The following ARHGAP35 variants were observed in gnomAD, a reference collection of about 807,000 sequenced individuals.
ARHGAP35 encodes the protein Rho GTPase activating protein 35, also known as rho GTPase-activating protein 35.
In ARHGAP35, 15 loss-of-function variants were observed where a neutral mutation model predicts 111.1. The observed-to-expected ratio is 0.13, with a 90% CI of 0.09 to 0.21. The LOEUF is 0.21. Among genes scored for constraint, ARHGAP35 ranks in the 10% least tolerant of loss-of-function variants. The pLI, the probability that ARHGAP35 is intolerant of heterozygous loss-of-function variation, is 1.00. For missense variants in ARHGAP35, 1,262 were observed against 1,873.0 expected (o/e 0.67, Z 6.02); for synonymous variants, 643 against 710.3 (o/e 0.91, Z 1.51).
intron 5 of ARHGAP35, among the ~76,000 whole-genome samples, chr19:46,996,507 A>T (rs554755860): frequency 9.2e-5 from 13 of 141,334 alleles, no homozygotes; most frequent in Non-Finnish European, 2.0e-4. Flanking sequence ...GATAGGAAGG[A>T]GAGCAGGCAT....
intron 3 of ARHGAP35, among the ~76,000 whole-genome samples, chr19:46,965,690 G>A (rs1337790456): frequency 6.6e-6 from 1 of 152,080 alleles, no homozygotes; most frequent in East Asian, 1.9e-4. Flanking sequence ...TCGCCATGTT[G>A]CCCAGGCTGA....
chr19:46,900,464 G>A (rs916657236), intron 1 of ARHGAP35, among the ~76,000 whole-genome samples: 5 of 152,054 alleles, frequency 3.3e-5, no homozygotes, highest in Admixed American at 6.6e-5. Flanking sequence ...CAAGTGATCC[G>A]CCCACCTTGG....
Position 46,977,065 on chromosome 19 carries a change from C to T in ARHGAP35, c.3827-10924C>T, listed in dbSNP as rs377517962. 3.2e-4 allele frequency among the ~76,000 whole-genome samples: 48 copies of T among 152,330 alleles called. No homozygotes were observed. The South Asian group carries it at 9.8e-3, about 31-fold the overall frequency. On this transcript the variant is annotated intron_variant, in intron 3 of 6. Coordinates refer to ENST00000672722, the MANE Select transcript of ARHGAP35 (RefSeq NM_004491.5). ...ACTCACTGTAAAAACATCTAAGACC[C>T]GCATAAGGTCAGTCTGGGAAGGCTG...
intron 3 of ARHGAP35, among the ~76,000 whole-genome samples, chr19:46,956,317 C>T (rs984575918): frequency 6.8e-6 from 1 of 146,322 alleles, no homozygotes; most frequent in Admixed American, 6.8e-5. Context: ...GACCCTGTCT[C>T]AAAAAAAAAA....
intron 1 of ARHGAP35, among the ~76,000 whole-genome samples, chr19:46,896,713 C>T (rs534472994): frequency 6.6e-6 from 1 of 152,256 alleles, no homozygotes; most frequent in African/African-American, 2.4e-5. Flanking sequence ...AGTCTCTTGA[C>T]CTCTGCAAGC....
At chr19:46,892,167 G>A (rs1466771194) in intron 1 of ARHGAP35, among the ~76,000 whole-genome samples, 1 of 149,664 alleles carries the variant, frequency 6.7e-6, no homozygotes, top group Non-Finnish European at 1.5e-5. Context: ...GCCAGGCCTG[G>A]TGGCATGCCT....
At chr19:46,959,907 G>A (rs563322769) in intron 3 of ARHGAP35, among the ~76,000 whole-genome samples, 2 of 151,808 alleles carry the variant, frequency 1.3e-5, no homozygotes, top group Admixed American at 6.6e-5. Context: ...AGACCAGCCT[G>A]GGCAACATAG....
In ARHGAP35 at chr19:47,001,443, T is replaced by C. The variant is rs550041211; in HGVS notation, c.*755T>C. 2.4e-6 allele frequency: 3 copies of C among 1,246,476 alleles called. No homozygotes were observed. The African/African-American group carries it at 4.6e-5, about 19-fold the overall frequency. The allele number at this position is 1,246,476 out of a possible 1,614,324, so 77.2% of individuals were successfully genotyped here. Reference sequence around the variant, plus strand: ...AACCACAGAAAGAAAACTACAGACCTCAAGATTCCACTCTGTGCCCGCCTC... The same window carrying C: ...AACCACAGAAAGAAAACTACAGACCCCAAGATTCCACTCTGTGCCCGCCTC... On this transcript the variant is annotated 3_prime_UTR_variant, in exon 7 of 7. Transcript: ENST00000672722. This position sits in a 1 kb window ranked among gnomAD's most constrained non-coding sequence, Gnocchi z 5.4.
Position 47,002,111 on chromosome 19 carries a change from C to T in ARHGAP35, c.*1423C>T, listed in dbSNP as rs1014863394. ...CAAACTTGCATGGCTGGGCTGTGGCCTCTGCGGCCAGGAAGCCTGACACTA... is the reference window on the plus strand; with the variant it reads ...CAAACTTGCATGGCTGGGCTGTGGCTTCTGCGGCCAGGAAGCCTGACACTA... On this transcript the variant is annotated 3_prime_UTR_variant, in exon 7 of 7. Transcript: ENST00000672722. 3 of 152,892 alleles carry T rather than the reference C, an allele frequency of 2.0e-5. No individual in the cohort carries two copies. Among genetic ancestry groups the T allele is most frequent in the African/African-American group, 7.2e-5 (3 of 41,470 alleles). The allele number at this position is 152,892 out of a possible 1,614,324, so 9.5% of individuals were successfully genotyped here. A position where few individuals can be genotyped will look rare whatever the true frequency, so the allele number is the denominator to read the frequency against.
intron 5 of ARHGAP35, among the ~76,000 whole-genome samples, chr19:46,995,186 G>C (rs750190512): frequency 1.2e-4 from 18 of 152,190 alleles, no homozygotes; most frequent in Non-Finnish European, 2.5e-4. Context: ...GGAGGCCAAG[G>C]CGGGCAGATC....
chr19:46,905,568 A>C (rs2056103372), intron 1 of ARHGAP35, among the ~76,000 whole-genome samples: 4 of 124,020 alleles, frequency 3.2e-5, no homozygotes, highest in African/African-American at 1.4e-4. Context: ...CCCCCCCCCC[A>C]AGACAGAGTC....
chr19:46,984,932 C>T lies in ARHGAP35; in HGVS notation c.3827-3057C>T, dbSNP rs116913596. On this transcript the variant is annotated intron_variant, in intron 3 of 6. Transcript: ENST00000672722. ...AGGGTCACCAGAAGGTGATGTGCGGCCCTCGGCTGGCCAGGTCTTCTGCAG... is the reference window on the plus strand; with the variant it reads ...AGGGTCACCAGAAGGTGATGTGCGGTCCTCGGCTGGCCAGGTCTTCTGCAG... Among the ~76,000 whole-genome samples the T allele has an allele frequency of 4.2e-3, 647 of 152,336 alleles. 2 individuals carry two copies. The highest frequency in any genetic ancestry group is 6.8e-3 in the Non-Finnish European group (462 of 68,042).
chr19:46,953,511 G>A (rs2056423545), intron 3 of ARHGAP35, among the ~76,000 whole-genome samples: 1 of 152,194 alleles, frequency 6.6e-6, no homozygotes, highest in Non-Finnish European at 1.5e-5. Context: ...GTTTGGAGTG[G>A]AGGGACAGGA....
At chr19:46,954,085 C>CA (rs1265097431) in intron 3 of ARHGAP35, among the ~76,000 whole-genome samples, 1 of 152,162 alleles carries the variant, frequency 6.6e-6, no homozygotes, top group African/African-American at 2.4e-5. Flanking sequence ...CATGTGAGGA[C>CA]ACGAGAAGGC....
chr19:46,933,242 C>T (rs995647742), intron 2 of ARHGAP35, among the ~76,000 whole-genome samples: 1 of 150,362 alleles, frequency 6.7e-6, no homozygotes, highest in Non-Finnish European at 1.5e-5. Context: ...CTCCCCAGCT[C>T]AAGCAATCCT....
In ARHGAP35 at chr19:46,993,577, T is replaced by A. The variant is rs2056690843; in HGVS notation, c.4036+3902T>A. On this transcript the variant is annotated intron_variant, in intron 5 of 6. Coordinates refer to ENST00000672722, the MANE Select transcript of ARHGAP35 (RefSeq NM_004491.5). This position sits in a 1 kb window ranked among gnomAD's most constrained non-coding sequence, Gnocchi z 4.6. ...GCTAATCGGTAAGGTCCCTGTGCCC[T>A]CTGTCTGTCCCCTCCCCTCCCTCCT... 6.6e-6 allele frequency among the ~76,000 whole-genome samples: 1 copy of A among 152,206 alleles called. No homozygotes were observed. Among genetic ancestry groups the A allele is most frequent in the African/African-American group, 2.4e-5 (1 of 41,454 alleles).
At chr19:46,958,200 G>A (rs935774553) in intron 3 of ARHGAP35, among the ~76,000 whole-genome samples, 1 of 152,098 alleles carries the variant, frequency 6.6e-6, no homozygotes, top group Non-Finnish European at 1.5e-5. Context: ...TGGCTTACAC[G>A]GTGAAACCCC....
chr19:46,996,032 C>T (rs912534366), intron 5 of ARHGAP35, among the ~76,000 whole-genome samples: 4 of 152,184 alleles, frequency 2.6e-5, no homozygotes, highest in East Asian at 1.9e-4. Context: ...ACTGGCCACC[C>T]GCTCCTCACT....
rs372566361 is a variant in ARHGAP35 at position 46,980,017 on chromosome 19, G to A, written c.3827-7972G>A. Among the ~76,000 whole-genome samples the A allele has an allele frequency of 1.3e-4, 20 of 152,260 alleles. No homozygotes were observed. The South Asian group carries it at 1.7e-3, about 13-fold the overall frequency. On this transcript the variant is annotated intron_variant, in intron 3 of 6. Coordinates refer to ENST00000672722, the MANE Select transcript of ARHGAP35 (RefSeq NM_004491.5). ...TAGCGCTTCTGCGGAGAGACACAGCGAGGAAACCTTCTCTATGGAGAGGAG... is the reference window on the plus strand; with the variant it reads ...TAGCGCTTCTGCGGAGAGACACAGCAAGGAAACCTTCTCTATGGAGAGGAG...
Sources: gnomAD v4.1 joint callset for allele counts (sites outside exome capture counted in the v4.1 genomes callset) on GRCh38, gnomAD v4.1.1 for gene constraint, Gnocchi (gnomAD v3.1) non-coding constraint, MANE v1.5 for transcripts, NCBI Gene and HGNC (gene_info 2026-07-23, HGNC 2026-07-21) for gene names.